NUTM2E: variants seen among roughly 807,000 people sequenced by gnomAD.
NUTM2E encodes the protein NUT family member 2E, also known as family with sequence similarity 22, member E.
A neutral mutation model predicts 26.1 loss-of-function variants in NUTM2E; 3 were observed. The ratio of observed to expected loss-of-function variants is 0.12; its 90% CI spans 0.05 to 0.30. The LOEUF is 0.30. Among genes scored for constraint, NUTM2E ranks in the 10% least tolerant of loss-of-function variants. The pLI, the probability that NUTM2E is intolerant of heterozygous loss-of-function variation, is 1.00. For missense variants in NUTM2E, 62 were observed against 381.3 expected, an observed-to-expected ratio of 0.16 and a Z score of 6.97; for synonymous variants, 13 against 157.5, an observed-to-expected ratio of 0.08 and a Z score of 6.87.
chr10:79,829,299 A>G (rs987736714), intron 1 of NUTM2E, among the ~76,000 whole-genome samples: 65 of 151,616 alleles, frequency 4.3e-4, no homozygotes, highest in African/African-American at 1.5e-3. Flanking sequence ...AGCAAAGGCC[A>G]AAATGTATGG....
chr10:79,828,693 G>A (rs1340025487), intron 1 of NUTM2E, among the ~76,000 whole-genome samples: 1 of 151,888 alleles, frequency 6.6e-6, no homozygotes, highest in East Asian at 1.9e-4. Flanking sequence ...CTACATAGGT[G>A]TTTAATCGTG....
intron 1 of NUTM2E, among the ~76,000 whole-genome samples, chr10:79,836,655 A>G (rs1230406719): frequency 6.6e-6 from 1 of 151,882 alleles, no homozygotes; most frequent in Non-Finnish European, 1.5e-5. Context: ...CACATCCACT[A>G]CCTCATAAAC....
chr10:79,831,728 TAGTG>T (rs1206843207), intron 1 of NUTM2E, among the ~76,000 whole-genome samples: 2 of 151,784 alleles, frequency 1.3e-5, no homozygotes, highest in African/African-American at 4.8e-5. Flanking sequence ...CCTTATTCTT[TAGTG>T]AGAACTGAGA....
intron 1 of NUTM2E, among the ~76,000 whole-genome samples, chr10:79,830,715 AG>A (rs1430548361): frequency 2.0e-5 from 3 of 151,798 alleles, no homozygotes; most frequent in Admixed American, 1.3e-4. Flanking sequence ...TACAAAAAAA[AG>A]AACATTTCAC....
intron 1 of NUTM2E, among the ~76,000 whole-genome samples, chr10:79,833,408 C>T (rs1315732386): frequency 7.3e-5 from 11 of 150,784 alleles, no homozygotes; most frequent in Non-Finnish European, 3.0e-5. Flanking sequence ...AAGAAACTAC[C>T]GTCAGAGTGA....
chr10:79,847,822 A>C (rs1336839084), intron 6 of NUTM2E, 109 bp from the exon 7 acceptor site: 15 of 386,434 alleles, frequency 3.9e-5, no homozygotes, highest in Non-Finnish European at 5.5e-5. Flanking sequence ...GAGGGCCTGG[A>C]CAGCCCACCC....
In NUTM2E at chr10:79,849,936, CAGAG is replaced by C. The variant is rs752232566; in HGVS notation, c.1973_1976del (p.Arg658ThrfsTer51). ...TCTAAGTTTGCAGCTGGCCAAGGAG[CAGAG>C]AGAGACGTCCCTGACCCCCAAGAAG... On this transcript the variant is annotated frameshift_variant, in exon 10 of 10. Transcript: ENST00000429984. LOFTEE classifies it high-confidence loss of function. 10 of 775,410 alleles carry C rather than the reference CAGAG, an allele frequency of 1.3e-5. 3 individuals are homozygous for C. In the South Asian group the frequency reaches 1.5e-4, roughly 11 times the overall value. The allele number at this position is 775,410 out of a possible 1,614,324, so 48.0% of individuals were successfully genotyped here. A position where few individuals can be genotyped will look rare whatever the true frequency, so the allele number is the denominator to read the frequency against.
chr10:79,837,218 A>G (rs1295347921), intron 1 of NUTM2E, among the ~76,000 whole-genome samples: 1 of 151,876 alleles, frequency 6.6e-6, no homozygotes, highest in African/African-American at 2.4e-5. Context: ...GTCAAAACAT[A>G]CTTTGTAGAC....
intron 8 of NUTM2E, among the ~76,000 whole-genome samples, chr10:79,849,101 T>C (rs1297726538): frequency 9.4e-6 from 1 of 106,940 alleles, no homozygotes; most frequent in Non-Finnish European, 2.4e-5. Context: ...GGTGTGAGTG[T>C]GGAGTGTGTA....
intron 1 of NUTM2E, among the ~76,000 whole-genome samples, chr10:79,836,314 C>T (rs1004573941): frequency 7.2e-5 from 11 of 151,872 alleles, no homozygotes; most frequent in Non-Finnish European, 1.3e-4. Context: ...AAACTTATTC[C>T]ATAGTATAGT....
intron 1 of NUTM2E, among the ~76,000 whole-genome samples, chr10:79,831,340 T>G (rs2132413064): frequency 6.6e-6 from 1 of 151,474 alleles, no homozygotes; most frequent in African/African-American, 2.4e-5. Context: ...TTAAAATACT[T>G]AAATTAGCTT....
intron 1 of NUTM2E, among the ~76,000 whole-genome samples, chr10:79,827,874 A>G (rs1212539726): frequency 6.8e-6 from 1 of 147,970 alleles, no homozygotes; most frequent in Non-Finnish European, 1.5e-5. Flanking sequence ...GCTCACCGCA[A>G]CCTCCGCCTC....
intron 1 of NUTM2E, among the ~76,000 whole-genome samples, chr10:79,833,727 A>G (rs1841943091): frequency 6.6e-6 from 1 of 151,846 alleles, no homozygotes; most frequent in South Asian, 2.1e-4. Context: ...GCCGGAGAGG[A>G]TGTGAAGAAA....
rs1479787252 is a variant in NUTM2E, at chr10:79,831,481, T to A, written c.-2728+4124T>A. Among the ~76,000 whole-genome samples, 6 of 151,312 alleles carry A rather than the reference T, an allele frequency of 4.0e-5. No homozygotes were observed. In the East Asian group the frequency reaches 1.2e-3, roughly 29 times the overall value. ...AATTTCAAATGTAAAATAAAACTGA[T>A]CAAGCCAGAGACCAGGTTTGGCAAA... On this transcript the variant is annotated intron_variant, in intron 1 of 9. Transcript: ENST00000429984.
chr10:79,834,355 GA>G (rs1366040339), intron 1 of NUTM2E, among the ~76,000 whole-genome samples: 1 of 151,544 alleles, frequency 6.6e-6, no homozygotes, highest in Non-Finnish European at 1.5e-5. Context: ...ATCATAAAAA[GA>G]AAGAAATGTT....
At chr10:79,839,581 C>A (rs1420424970) in intron 3 of NUTM2E, among the ~76,000 whole-genome samples, 47 bp from the exon 4 acceptor site, 5 of 151,670 alleles carry the variant, frequency 3.3e-5, no homozygotes, top group Admixed American at 1.3e-4. Flanking sequence ...GTTTGTAATA[C>A]CTTCAGAAGA....
At chr10:79,829,721 A>G (rs1450230296) in intron 1 of NUTM2E, among the ~76,000 whole-genome samples, 1 of 151,788 alleles carries the variant, frequency 6.6e-6, no homozygotes, top group Non-Finnish European at 1.5e-5. Context: ...CAGGCAAAAT[A>G]GAATCTGACA....
chr10:79,827,511 C>T (rs1308293304), intron 1 of NUTM2E, 154 bp downstream of exon 1: 2 of 149,070 alleles, frequency 1.3e-5, no homozygotes, highest in East Asian at 2.0e-4. Flanking sequence ...GAAGCAAAGG[C>T]GAGCCATGTT....
In NUTM2E at chr10:79,840,794, C is replaced by G. The variant is rs957353310; in HGVS notation, c.-947C>G. Among the ~76,000 whole-genome samples, 2 of 130,072 alleles carry G rather than the reference C, an allele frequency of 1.5e-5. No individual in the cohort carries two copies. The highest frequency in any genetic ancestry group is 2.8e-5 in the African/African-American group (1 of 35,470). The allele number at this position is 130,072 out of a possible 152,430, so 85.3% of individuals were successfully genotyped here. A position where few individuals can be genotyped will look rare whatever the true frequency, so the allele number is the denominator to read the frequency against. ...GAAGGCCTCTTCCCTTCCCCAACAC[C>G]CTCCCATCGTGCAAAATTACCCTGC... On this transcript the variant is annotated 5_prime_UTR_variant, in exon 4 of 10. Transcript: ENST00000429984.
Sources: allele counts gnomAD v4.1 joint callset (sites outside exome capture counted in the v4.1 genomes callset), GRCh38; gene constraint gnomAD v4.1.1; transcripts MANE v1.5; gene names NCBI Gene and HGNC (gene_info 2026-07-23, HGNC 2026-07-21).